Variants in FNBP1 observed in about 807,000 individuals in gnomAD.
FNBP1 encodes formin binding protein 1.
A neutral mutation model predicts 90.6 loss-of-function variants in FNBP1; 26 were observed. That is an observed-to-expected ratio of 0.29 (90% CI 0.21 to 0.40). The LOEUF (loss-of-function observed/expected upper bound fraction) is 0.40. FNBP1 is among the 10% of genes least tolerant of loss of function. The pLI is 1.00. For missense variants in FNBP1, 635 were observed against 768.0 expected, an observed-to-expected ratio of 0.83 and a Z score of 2.05; for synonymous variants, 260 against 265.2, an observed-to-expected ratio of 0.98 and a Z score of 0.19.
intron 1 of FNBP1, among the ~76,000 whole-genome samples, chr9:130,023,025 G>T (rs1435832448): frequency 6.6e-6 from 1 of 152,132 alleles, no homozygotes; most frequent in Non-Finnish European, 1.5e-5. Context: ...GTTACATTAA[G>T]AAGAATGAGG....
intron 1 of FNBP1, among the ~76,000 whole-genome samples, chr9:130,025,794 CAT>C (rs1256677785): frequency 6.6e-6 from 1 of 152,138 alleles, no homozygotes; most frequent in Admixed American, 6.6e-5. Context: ...CGTGGTGGCA[CAT>C]GCCTGTAATC....
intron 12 of FNBP1, among the ~76,000 whole-genome samples, chr9:129,903,428 T>C (rs2037351167): frequency 6.6e-6 from 1 of 152,172 alleles, no homozygotes; most frequent in Non-Finnish European, 1.5e-5. Flanking sequence ...GATTAGAGTA[T>C]GGATAAGGGA....
intron 4 of FNBP1, among the ~76,000 whole-genome samples, chr9:129,977,960 C>T (rs1009546639): frequency 6.6e-6 from 1 of 151,904 alleles, no homozygotes; most frequent in Non-Finnish European, 1.5e-5. Context: ...CTGAAGGACC[C>T]TTGACATTTT....
Position 129,915,982 on chromosome 9 carries a change from T to C in FNBP1, c.1171-2A>G. The C allele has an allele frequency of 1.2e-6, 2 of 1,607,896 alleles. No homozygotes were observed. Among genetic ancestry groups the C allele is most frequent in the Non-Finnish European group, 1.7e-6 (2 of 1,175,230 alleles). ...TGTGCTTACCAGCTTGAGAGAAAGC[T>C]TCATGTAAAAATTGGAGAGGTATGG... On this transcript the variant is annotated splice_acceptor_variant, in intron 10 of 16. Coordinates refer to ENST00000446176, the MANE Select transcript of FNBP1 (RefSeq NM_015033.3). LOFTEE classifies it high-confidence loss of function.
rs1484326160 is a variant in FNBP1 at position 129,888,297 on chromosome 9, G to A, written c.*2242C>T. ...CTCTAAAATCCCATTTTAAAGAACC[G>A]TTTCACATCCTCGTGGAGTGGAGAG... On this transcript the variant is annotated 3_prime_UTR_variant, in exon 17 of 17. Transcript: ENST00000446176. The A allele has an allele frequency of 1.3e-5, 3 of 232,422 alleles. No homozygotes were observed. Among genetic ancestry groups the A allele is most frequent in the South Asian group, 1.8e-4 (1 of 5,532 alleles). The allele number at this position is 232,422 out of a possible 1,614,324, so 14.4% of individuals were successfully genotyped here.
intron 12 of FNBP1, among the ~76,000 whole-genome samples, chr9:129,905,798 AAAGTTC>A (rs746980730): frequency 6.6e-6 from 1 of 152,210 alleles, no homozygotes; most frequent in Non-Finnish European, 1.5e-5. Flanking sequence ...AATGTATGTT[AAAGTTC>A]AATTCTATTT....
chr9:129,935,848 TA>T (rs1450770310), intron 6 of FNBP1, among the ~76,000 whole-genome samples: 3 of 152,198 alleles, frequency 2.0e-5, no homozygotes, highest in African/African-American at 7.2e-5. Flanking sequence ...TGAGCAAATA[TA>T]GACTGGTTCT....
rs757696415 is a variant in FNBP1, at chr9:130,000,962, G to C, written c.25-6004C>G. Among the ~76,000 whole-genome samples the C allele has an allele frequency of 9.0e-4, 137 of 152,212 alleles. 1 individual carries two copies. Among genetic ancestry groups the C allele is most frequent in the Non-Finnish European group, 1.7e-3 (115 of 68,006 alleles). The stretch of plus-strand genomic sequence containing the variant: ...ACTATTAAAAAGATGTATCTTCAAG[G>C]GTTTGAGATTTAGTAAAATGAATAA... On this transcript the variant is annotated intron_variant, in intron 1 of 16. Coordinates refer to ENST00000446176, the MANE Select transcript of FNBP1 (RefSeq NM_015033.3).
chr9:130,048,491 C>CATTTTTTT, the FNBP1 span, among the ~76,000 whole-genome samples: 3 of 105,088 alleles, frequency 2.9e-5, no homozygotes, highest in Non-Finnish European at 3.6e-5. Flanking sequence ...CCTCAGTTTC[C>CATTTTTTT]TTTTTTTTTT....
chr9:129,984,645 G>C (rs915722698), intron 2 of FNBP1, among the ~76,000 whole-genome samples: 2 of 152,056 alleles, frequency 1.3e-5, no homozygotes, highest in Non-Finnish European at 2.9e-5. Context: ...TGGGTTCGCT[G>C]TGTCCCCACC....
chr9:129,976,892 T>C (rs2050400548), intron 4 of FNBP1, among the ~76,000 whole-genome samples: 1 of 152,014 alleles, frequency 6.6e-6, no homozygotes, highest in Non-Finnish European at 1.5e-5. Flanking sequence ...GTGGCTGGGC[T>C]CGGTGGCTCA....
At chr9:129,927,126 G>A (rs1033542852) in intron 8 of FNBP1, 69 bp downstream of exon 8, 2 of 1,524,810 alleles carry the variant, frequency 1.3e-6, no homozygotes, top group Non-Finnish European at 9.0e-7. Context: ...GAGGTCAAAT[G>A]GAAAGGGGAT....
At chr9:129,914,197 T>C (rs1748107521) in intron 11 of FNBP1, among the ~76,000 whole-genome samples, 2 of 148,878 alleles carry the variant, frequency 1.3e-5, no homozygotes, top group Admixed American at 1.4e-4. Context: ...TTTTCAGACA[T>C]GGTCTCACTC....
intron 6 of FNBP1, among the ~76,000 whole-genome samples, chr9:129,932,377 CT>C (rs1039444357): frequency 6.6e-6 from 1 of 150,940 alleles, no homozygotes; most frequent in Non-Finnish European, 1.5e-5. Context: ...TTAGTATTGG[CT>C]TTTTTTTTCA....
chr9:129,918,220 G>A lies in FNBP1; in HGVS notation c.1171-2240C>T, dbSNP rs367658410. On this transcript the variant is annotated intron_variant, in intron 10 of 16. Transcript: ENST00000446176. ...AAATACCAAATTCTCAGACAAATTC[G>A]ACTTTATTTGTGATGGATGATCTAT... is the stretch of plus-strand genomic sequence containing the variant. Among the ~76,000 whole-genome samples, 10 of 152,272 alleles carry A rather than the reference G, an allele frequency of 6.6e-5. No homozygotes were observed. In the East Asian group the frequency reaches 7.7e-4, roughly 12 times the overall value.
At chr9:130,040,094 G>A (rs2059687348) in intron 1 of FNBP1, among the ~76,000 whole-genome samples, 1 of 152,102 alleles carries the variant, frequency 6.6e-6, no homozygotes, top group Non-Finnish European at 1.5e-5. Flanking sequence ...GCTACCCAAT[G>A]TACCGCACAT....
chr9:129,977,836 C>T (rs1040336886), intron 4 of FNBP1, among the ~76,000 whole-genome samples: 17 of 151,732 alleles, frequency 1.1e-4, no homozygotes, highest in African/African-American at 3.4e-4. Context: ...GAGCATACAC[C>T]ATATTATATT....
At chr9:129,929,376 C>T (rs1216591464) in intron 7 of FNBP1, among the ~76,000 whole-genome samples, 191 bp downstream of exon 7, 2 of 127,222 alleles carry the variant, frequency 1.6e-5, no homozygotes, top group African/African-American at 6.1e-5. Flanking sequence ...TGCCATTGCA[C>T]TCCAGCCTGG....
rs573686773 is a variant in FNBP1 at position 130,005,062 on chromosome 9, C to CAAAA, written c.25-10108_25-10105dup. Reference sequence around the variant, plus strand: ...GCCTGGTGACAGAGCAAGACTGTCTCAAAAAAAAAAAAAAAAAAAAAAAAA... The same window carrying CAAAA: ...GCCTGGTGACAGAGCAAGACTGTCTCAAAAAAAAAAAAAAAAAAAAAAAAAAAAA... On this transcript the variant is annotated intron_variant, in intron 1 of 16. Coordinates refer to ENST00000446176, the MANE Select transcript of FNBP1 (RefSeq NM_015033.3). 3.7e-4 allele frequency among the ~76,000 whole-genome samples: 34 copies of CAAAA among 92,784 alleles called. 1 individual carries two copies. The highest frequency in any genetic ancestry group is 7.3e-4 in the African/African-American group (17 of 23,168). The allele number at this position is 92,784 out of a possible 152,430, so 60.9% of individuals were successfully genotyped here. A position where few individuals can be genotyped will look rare whatever the true frequency, so the allele number is the denominator to read the frequency against.
Sources: allele counts gnomAD v4.1 joint callset (sites outside exome capture counted in the v4.1 genomes callset), GRCh38; gene constraint gnomAD v4.1.1; transcripts MANE v1.5; gene names NCBI Gene and HGNC (gene_info 2026-07-23, HGNC 2026-07-21).